DLG2: variants seen among roughly 807,000 people sequenced by gnomAD.
DLG2 encodes the protein discs large MAGUK scaffold protein 2.
A neutral mutation model predicts 132.5 loss-of-function variants in DLG2; 45 were observed. That is an observed-to-expected ratio of 0.34 (90% CI 0.27 to 0.44). The LOEUF is 0.44. Ranked by LOEUF, DLG2 falls within the 20% of genes least tolerant of loss-of-function variation. The pLI, the probability that DLG2 is intolerant of heterozygous loss-of-function variation, is 1.00. For missense variants in DLG2, 1,045 were observed against 1,196.9 expected (o/e 0.87, Z 1.87); for synonymous variants, 424 against 419.6 (o/e 1.01, Z -0.13).
At chr11:85,032,327 C>T (rs1178397960) in intron 6 of DLG2, among the ~76,000 whole-genome samples, 1 of 151,956 alleles carries the variant, frequency 6.6e-6, no homozygotes, top group Non-Finnish European at 1.5e-5. Flanking sequence ...GAATATTTAC[C>T]CTTGCCTATC....
intron 6 of DLG2, among the ~76,000 whole-genome samples, chr11:85,065,792 C>T (rs2064825731): frequency 6.7e-6 from 1 of 149,826 alleles, no homozygotes; most frequent in Non-Finnish European, 1.5e-5. Flanking sequence ...TAAAATATAC[C>T]CAAATCTCTG....
chr11:84,734,701 T>C (rs879758998), intron 6 of DLG2, among the ~76,000 whole-genome samples: 1 of 152,172 alleles, frequency 6.6e-6, no homozygotes, highest in African/African-American at 2.4e-5. Flanking sequence ...AGAGAGGGCA[T>C]CCCTGTCTTG....
In DLG2 at chr11:84,268,752, C is replaced by T. The variant is rs373955948; in HGVS notation, c.520-17461G>A. Among the ~76,000 whole-genome samples, 24 of 152,042 alleles carry T rather than the reference C, an allele frequency of 1.6e-4. No individual in the cohort carries two copies. In the East Asian group the frequency reaches 3.1e-3, roughly 20 times the overall value. On this transcript the variant is annotated intron_variant, in intron 7 of 27. Transcript: ENST00000376104. ...CTGGGATAACAGACGTGAGCCACCG[C>T]GCCCGGCCCATCTCTTTTTTACAGT... is the stretch of plus-strand genomic sequence containing the variant.
intron 3 of DLG2, among the ~76,000 whole-genome samples, chr11:85,404,761 C>T (rs541151710): frequency 6.6e-6 from 1 of 152,114 alleles, no homozygotes; most frequent in Admixed American, 6.6e-5. Context: ...TATCAAGTTG[C>T]TCCTTCCAGT....
chr11:84,459,196 T>G (rs573327765), intron 7 of DLG2, among the ~76,000 whole-genome samples: 1 of 150,802 alleles, frequency 6.6e-6, no homozygotes, highest in African/African-American at 2.4e-5. Flanking sequence ...CATTTCTTCC[T>G]TCATCATATA....
Position 84,588,468 on chromosome 11 carries a change from G to T in DLG2, c.358-53737C>A, listed in dbSNP as rs557116874. On this transcript the variant is annotated intron_variant, in intron 6 of 27. Transcript: ENST00000376104. ...CTTACTCCCCAATTCCAAACAGATA[G>T]CTATGATTTATCCCTTGTCTCTGGA... 1.1e-4 allele frequency among the ~76,000 whole-genome samples: 16 copies of T among 152,186 alleles called. No individual in the cohort carries two copies. In the South Asian group the frequency reaches 2.9e-3, roughly 28 times the overall value.
chr11:85,199,807 C>G (rs1023615383), intron 4 of DLG2, among the ~76,000 whole-genome samples: 2 of 152,148 alleles, frequency 1.3e-5, no homozygotes, highest in African/African-American at 4.8e-5. Context: ...GATTAAGCCA[C>G]TGTTCACATA....
chr11:84,388,655 G>T (rs1239824782), intron 7 of DLG2, among the ~76,000 whole-genome samples: 1 of 151,724 alleles, frequency 6.6e-6, no homozygotes, highest in Non-Finnish European at 1.5e-5. Context: ...ACGAGATGAA[G>T]CAGCAAATGG....
intron 7 of DLG2, among the ~76,000 whole-genome samples, chr11:84,523,828 T>C (rs1230796967): frequency 2.6e-5 from 4 of 152,224 alleles, no homozygotes; most frequent in Non-Finnish European, 5.9e-5. Flanking sequence ...TTAACACTTA[T>C]CTAGAATTTT....
Position 84,526,841 on chromosome 11 carries a change from C to G in DLG2, c.519+7729G>C, listed in dbSNP as rs546750727. ...TCGCCCAGGCTGGAGTGCAGTGGCG[C>G]AATCTCGGCTCACTGCAAGCTCCGC... On this transcript the variant is annotated intron_variant, in intron 7 of 27. Transcript: ENST00000376104. Among the ~76,000 whole-genome samples, 1,174 of 145,102 alleles carry G rather than the reference C, an allele frequency of 8.1e-3. 19 individuals are homozygous for G. Among genetic ancestry groups the G allele is most frequent in the African/African-American group, 0.028 (1,072 of 38,876 alleles).
chr11:83,460,018 C>T (rs2089584148), intron 27 of DLG2, 94 bp from the exon 28 acceptor site: 1 of 625,326 alleles, frequency 1.6e-6, no homozygotes, highest in Non-Finnish European at 2.8e-6. Flanking sequence ...AAATCAGTAG[C>T]AGATGACTCA....
intron 6 of DLG2, among the ~76,000 whole-genome samples, chr11:84,687,957 ACTGAAC>A (rs1358663126): frequency 2.6e-5 from 4 of 152,196 alleles, no homozygotes; most frequent in Admixed American, 1.3e-4. Context: ...GCATTTAAGT[ACTGAAC>A]TTCATAGAAG....
chr11:83,716,717 T>C (rs142250792), intron 18 of DLG2, among the ~76,000 whole-genome samples: 24 of 152,368 alleles, frequency 1.6e-4, no homozygotes, highest in African/African-American at 5.5e-4. Context: ...AGAGATTTTT[T>C]TTTCTCGATT....
chr11:84,008,478 C>G (rs1382744771), intron 11 of DLG2, among the ~76,000 whole-genome samples: 1 of 151,862 alleles, frequency 6.6e-6, no homozygotes, highest in Admixed American at 6.6e-5. Flanking sequence ...TATCTCTATT[C>G]AGACAGCTGT....
At chr11:85,042,832 A>G (rs1449148967) in intron 6 of DLG2, among the ~76,000 whole-genome samples, 2 of 151,946 alleles carry the variant, frequency 1.3e-5, no homozygotes, top group Non-Finnish European at 2.9e-5. Context: ...ATATGCTTCA[A>G]ATAAAAATGT....
intron 6 of DLG2, among the ~76,000 whole-genome samples, chr11:84,604,304 G>C (rs933003719): frequency 6.6e-6 from 1 of 151,862 alleles, no homozygotes; most frequent in Non-Finnish European, 1.5e-5. Context: ...CAGGAGATGA[G>C]AGAGAAGAAT....
chr11:83,610,943 A>C (rs1022732351), intron 19 of DLG2, among the ~76,000 whole-genome samples: 3 of 152,236 alleles, frequency 2.0e-5, no homozygotes, highest in Non-Finnish European at 4.4e-5. Flanking sequence ...TTTTAAATGC[A>C]TCATTTTATC....
chr11:85,593,085 T>TA (rs1565732251), intron 3 of DLG2, among the ~76,000 whole-genome samples: 1 of 151,978 alleles, frequency 6.6e-6, no homozygotes, highest in Non-Finnish European at 1.5e-5. Flanking sequence ...TACTATATTT[T>TA]AAAAAGAAAA....
At chr11:85,115,981 A>G (rs1481308616) in intron 5 of DLG2, among the ~76,000 whole-genome samples, 1 of 151,932 alleles carries the variant, frequency 6.6e-6, no homozygotes, top group Non-Finnish European at 1.5e-5. Context: ...CCTGTAAAAC[A>G]CACAAGAGGC....
Sources: allele counts gnomAD v4.1 joint callset (sites outside exome capture counted in the v4.1 genomes callset), GRCh38; gene constraint gnomAD v4.1.1; transcripts MANE v1.5; gene names NCBI Gene and HGNC (gene_info 2026-07-23, HGNC 2026-07-21).